NAPA: variants seen among roughly 807,000 people sequenced by gnomAD.
NAPA encodes NSF attachment protein alpha, also known as alpha-soluble NSF attachment protein.
NAPA carries 18 observed loss-of-function variants against 48.0 expected under a neutral mutation model. The observed-to-expected ratio is 0.38, with a 90% confidence interval of 0.26 to 0.56. NAPA has a LOEUF of 0.56. Among genes scored for constraint, NAPA ranks in the 20% least tolerant of loss-of-function variants. The probability of loss-of-function intolerance (pLI) is 0.77; values close to 1 mark genes in which losing one functional copy is unlikely to be tolerated. For synonymous variants in NAPA, 152 were observed against 149.9 expected (o/e 1.01, Z -0.10); for missense variants, 315 against 385.0 (o/e 0.82, Z 1.52).
Position 47,510,747 on chromosome 19 carries a change from C to T in NAPA, c.98+4096G>A, listed in dbSNP as rs149783883. 5.1e-4 allele frequency among the ~76,000 whole-genome samples: 77 copies of T among 152,310 alleles called. 1 individual carries two copies. The South Asian group carries it at 8.7e-3, about 17-fold the overall frequency. On this transcript the variant is annotated intron_variant, in intron 1 of 10. Coordinates refer to ENST00000263354, the MANE Select transcript of NAPA (RefSeq NM_003827.4). ...GGCACTCTGGATTCCCCAGGAGACA[C>T]GCAGCAGGGAGGAGGAACTAGTGTG...
chr19:47,500,833 G>T, intron 2 of NAPA, 84 bp from the exon 3 acceptor site: 2 of 1,105,000 alleles, frequency 1.8e-6, no homozygotes, highest in South Asian at 1.6e-5. Context: ...TGGGAGGTGG[G>T]TCGGGCTCTC....
chr19:47,501,804 C>G (rs932552207), intron 2 of NAPA, among the ~76,000 whole-genome samples: 29 of 152,314 alleles, frequency 1.9e-4, no homozygotes, highest in African/African-American at 6.7e-4. Flanking sequence ...TCATTCTCCT[C>G]CAGCTGAATC....
At chr19:47,487,183 C>G (rs971372464), downstream of NAPA, among the ~76,000 whole-genome samples, 1 of 152,310 alleles carries the variant, frequency 6.6e-6, no homozygotes, top group Middle Eastern at 3.4e-3. Context: ...CCACCAAAGC[C>G]GCTTCCTCCC....
intron 3 of NAPA, chr19:47,497,188 G>T: frequency 5.1e-6 from 1 of 194,670 alleles, no homozygotes; most frequent in Non-Finnish European, 1.1e-5. Context: ...TCCACATGGA[G>T]GCCCCGGGCT....
In NAPA at chr19:47,493,655, G is replaced by A. The variant is rs994226264; in HGVS notation, c.343-162C>T. ...GATCGAGAGGTGGGGGAACACAGGA[G>A]TGAGAAGGGAGGGCCCCAGCACTAG... On this transcript the variant is annotated intron_variant, in intron 4 of 10. Coordinates refer to ENST00000263354, the MANE Select transcript of NAPA (RefSeq NM_003827.4). This position sits in a 1 kb window ranked among gnomAD's most constrained non-coding sequence, Gnocchi z 6.4. 10 of 657,462 alleles carry A rather than the reference G, an allele frequency of 1.5e-5. No individual in the cohort carries two copies. In the African/African-American group the frequency reaches 1.6e-4, roughly 11 times the overall value. 40.7% of individuals were successfully genotyped at this position (657,462 alleles called of 1,614,324 possible).
chr19:47,504,591 GTCTGAATTTTTTTTTA>G (rs1048339980), intron 1 of NAPA, among the ~76,000 whole-genome samples: 30 of 151,688 alleles, frequency 2.0e-4, no homozygotes, highest in African/African-American at 7.3e-4. Flanking sequence ...TATTTGTACT[GTCTGAATTTTTTTTTA>G]ACTGTTTGTA....
At chr19:47,492,315 C>T (rs1968292560) in intron 7 of NAPA, 196 bp from the exon 8 acceptor site, 2 of 561,684 alleles carry the variant, frequency 3.6e-6, no homozygotes, top group Non-Finnish European at 6.4e-6. Context: ...CGACCAAGAT[C>T]AGGGTGTGAT....
chr19:47,507,430 CCA>C (rs1404591815), intron 1 of NAPA, among the ~76,000 whole-genome samples: 1 of 152,136 alleles, frequency 6.6e-6, no homozygotes, highest in Non-Finnish European at 1.5e-5. Flanking sequence ...TTCCTGGCTG[CCA>C]GAAATACACC....
downstream of NAPA, among the ~76,000 whole-genome samples, chr19:47,486,805 AGAG>A (rs1432800120): frequency 6.6e-6 from 1 of 152,166 alleles, no homozygotes; most frequent in Non-Finnish European, 1.5e-5. Flanking sequence ...TGCAGGGGAG[AGAG>A]GAGCAGGGCA....
At chr19:47,492,299 C>T (rs893049738) in intron 7 of NAPA, 180 bp from the exon 8 acceptor site, 13 of 577,452 alleles carry the variant, frequency 2.3e-5, no homozygotes, top group Middle Eastern at 4.6e-4. Flanking sequence ...GCGGCCAGTG[C>T]GTGAGCGACC....
intron 1 of NAPA, among the ~76,000 whole-genome samples, chr19:47,511,467 C>CT (rs1304418921): frequency 1.3e-5 from 2 of 152,142 alleles, no homozygotes; most frequent in Non-Finnish European, 2.9e-5. Context: ...CACACCAGCT[C>CT]TTTTTTTCAC....
At chr19:47,511,988 A>T (rs1024139997) in intron 1 of NAPA, among the ~76,000 whole-genome samples, 1 of 152,152 alleles carries the variant, frequency 6.6e-6, no homozygotes, top group African/African-American at 2.4e-5. Context: ...CTCCAGGCCC[A>T]GCCCTTGCTC....
intron 3 of NAPA, among the ~76,000 whole-genome samples, chr19:47,498,251 G>C (rs370267012): frequency 9.9e-5 from 15 of 152,128 alleles, no homozygotes; most frequent in Admixed American, 2.6e-4. Context: ...CCAGGGTACC[G>C]GCCACCTGCT....
At chr19:47,490,951 TA>T in intron 8 of NAPA, 95 bp from the exon 9 acceptor site, 1 of 1,100,568 alleles carries the variant, frequency 9.1e-7, no homozygotes, top group Non-Finnish European at 1.3e-6. Flanking sequence ...TGTCGGGTGA[TA>T]TTGAGTCAGC....
intron 8 of NAPA, among the ~76,000 whole-genome samples, chr19:47,491,792 A>C (rs1968272996): frequency 6.6e-6 from 1 of 152,170 alleles, no homozygotes; most frequent in Admixed American, 6.5e-5. Flanking sequence ...AAGAGCACTA[A>C]GTGAGGCAGG....
rs1473592592 is a variant in NAPA, at chr19:47,488,342, G to T, written c.834C>A (p.Thr278=). 1.2e-6 allele frequency: 2 copies of T among 1,613,530 alleles called. No homozygotes were observed. Among genetic ancestry groups the T allele is most frequent in the Admixed American group, 1.7e-5 (1 of 59,994 alleles). Residue 278 remains threonine (T), a synonymous_variant, in exon 11 of 11, where the codon ACC becomes ACA. Transcript: ENST00000263354. ...TGGTCTTCTTGATGCGCAGCAGCAT[G>T]GTGGTGAGCCACTGGTCCAGCCGGG... ...SISRLDQWLT[T]MLLRIKKTIQ...
At chr19:47,512,034 C>A (rs1968813979) in intron 1 of NAPA, among the ~76,000 whole-genome samples, 1 of 152,184 alleles carries the variant, frequency 6.6e-6, no homozygotes, top group African/African-American at 2.4e-5. Flanking sequence ...CCTGCCGCTT[C>A]CACCTTTATG....
intron 1 of NAPA, among the ~76,000 whole-genome samples, chr19:47,512,031 C>A (rs1341611210): frequency 6.6e-6 from 1 of 152,194 alleles, no homozygotes; most frequent in East Asian, 1.9e-4. Flanking sequence ...TCACCTGCCG[C>A]TTCCACCTTT....
At chr19:47,503,603 T>C in intron 1 of NAPA, 101 bp from the exon 2 acceptor site, 1 of 1,090,652 alleles carries the variant, frequency 9.2e-7, no homozygotes, top group African/African-American at 1.5e-5. Context: ...CCCCTACCCC[T>C]CACCCTTCAC....
Sources: gnomAD v4.1 joint callset for allele counts (sites outside exome capture counted in the v4.1 genomes callset) on GRCh38, gnomAD v4.1.1 for gene constraint, Gnocchi (gnomAD v3.1) non-coding constraint, MANE v1.5 for transcripts, NCBI Gene and HGNC (gene_info 2026-07-23, HGNC 2026-07-21) for gene names.